The following ULK4 variants were observed in gnomAD, a reference collection of about 807,000 sequenced individuals.
ULK4 encodes the protein inactive serine/threonine-protein kinase ULK4.
In ULK4, 133 loss-of-function variants were observed where a neutral mutation model predicts 160.6. That is an observed-to-expected ratio of 0.83 (90% CI 0.72 to 0.96). ULK4 has a LOEUF of 0.96. ULK4 is among the 40% of genes least tolerant of loss of function. ULK4 has a pLI of 0.00. For missense variants in ULK4, 1,580 were observed against 1,499.5 expected, an observed-to-expected ratio of 1.05 and a Z score of -0.89; for synonymous variants, 534 against 539.8, an observed-to-expected ratio of 0.99 and a Z score of 0.15.
In ULK4 at chr3:41,571,810, C is replaced by A. The variant is rs180676193; in HGVS notation, c.3121-5680G>T. On this transcript the variant is annotated intron_variant, in intron 31 of 36. Coordinates refer to ENST00000301831, the MANE Select transcript of ULK4 (RefSeq NM_017886.4). ...TAAAATCTTGAAACATATATTTTTC[C>A]AATCCTCAGAGCTCATTGATAAAGC... 2.6e-3 allele frequency among the ~76,000 whole-genome samples: 394 copies of A among 152,188 alleles called. 1 individual carries two copies. The highest frequency in any genetic ancestry group is 8.6e-3 in the African/African-American group (357 of 41,550).
At chr3:41,869,578 CA>C (rs529179325) in intron 17 of ULK4, among the ~76,000 whole-genome samples, 81 of 151,540 alleles carry the variant, frequency 5.3e-4, no homozygotes, top group African/African-American at 1.7e-3. Flanking sequence ...AGACTCTGTC[CA>C]AAAAAACACT....
At position 41,655,732 on chromosome 3, in the gene ULK4, T is replaced by C. The variant is rs73069329; in HGVS notation, c.3071+7875A>G. 5.4e-3 allele frequency among the ~76,000 whole-genome samples: 821 copies of C among 152,256 alleles called. 4 individuals carry two copies. Among genetic ancestry groups the C allele is most frequent in the Non-Finnish European group, 8.4e-3 (574 of 68,016 alleles). ...CATAGCTACATAGTTATTTCACCTA[T>C]TGAGATTTCATCAAAGGAAATATTT... On this transcript the variant is annotated intron_variant, in intron 30 of 36. Coordinates refer to ENST00000301831, the MANE Select transcript of ULK4 (RefSeq NM_017886.4).
intron 17 of ULK4, among the ~76,000 whole-genome samples, chr3:41,875,191 A>G (rs1697256041): frequency 6.6e-6 from 1 of 151,784 alleles, no homozygotes; most frequent in African/African-American, 2.4e-5. Context: ...CAAAAATTAA[A>G]TAAGATAAAT....
intron 32 of ULK4, among the ~76,000 whole-genome samples, chr3:41,480,517 A>G (rs1178893538): frequency 6.6e-6 from 1 of 152,144 alleles, no homozygotes; most frequent in Non-Finnish European, 1.5e-5. Flanking sequence ...AGTCTACTCA[A>G]TGTGAAAATA....
chr3:41,305,237 G>C (rs949787795), intron 35 of ULK4, among the ~76,000 whole-genome samples: 2 of 151,762 alleles, frequency 1.3e-5, no homozygotes, highest in African/African-American at 4.8e-5. Flanking sequence ...CTCTCCCCAC[G>C]GTCTCCCTCT....
At position 41,615,693 on chromosome 3, in the gene ULK4, G is replaced by GAA. The variant is rs1456715125; in HGVS notation, c.3095_3096insTT (p.Pro1033SerfsTer7). 9 of 1,612,980 alleles carry GAA rather than the reference G, an allele frequency of 5.6e-6. No individual in the cohort carries two copies. The highest frequency in any genetic ancestry group is 5.9e-6 in the Non-Finnish European group (7 of 1,179,598). ...CCAGAGTTACTTCAAAAATGAGTGG[G>GAA]ATCAGTTTGCTTTCTTCCACAAGTC... On this transcript the variant is annotated frameshift_variant, in exon 31 of 37. Coordinates refer to ENST00000301831, the MANE Select transcript of ULK4 (RefSeq NM_017886.4). LOFTEE classifies it high-confidence loss of function.
chr3:41,644,801 C>T (rs1325613688), intron 30 of ULK4, among the ~76,000 whole-genome samples: 1 of 151,800 alleles, frequency 6.6e-6, no homozygotes, highest in East Asian at 1.9e-4. Context: ...TGGTAGAATT[C>T]GGCTGTGAAT....
chr3:41,631,600 A>AC (rs2033745125), intron 30 of ULK4, among the ~76,000 whole-genome samples: 1 of 152,164 alleles, frequency 6.6e-6, no homozygotes, highest in East Asian at 1.9e-4. Flanking sequence ...TGTAAACAGA[A>AC]TAGTTTTATG....
chr3:41,629,612 T>G (rs902814543), intron 30 of ULK4, among the ~76,000 whole-genome samples: 4 of 152,128 alleles, frequency 2.6e-5, no homozygotes, highest in African/African-American at 9.7e-5. Flanking sequence ...CAGAAGGGCA[T>G]GTGGAATGGG....
chr3:41,584,398 C>A (rs1210920145), intron 31 of ULK4, among the ~76,000 whole-genome samples: 1 of 151,940 alleles, frequency 6.6e-6, no homozygotes, highest in Non-Finnish European at 1.5e-5. Flanking sequence ...CTCAAGTGAC[C>A]CCCCTGCCTC....
chr3:41,470,018 G>GAAAAAAAAAAAAAAAAAAAAAAAAAAAAA (rs71094650), intron 32 of ULK4, among the ~76,000 whole-genome samples: 18 of 45,974 alleles, frequency 3.9e-4, no homozygotes, highest in East Asian at 1.8e-3. Flanking sequence ...AAACAGAACA[G>GAAAAAAAAAAAAAAAAAAAAAAAAAAAAA]AAAAAAAAAA....
intron 22 of ULK4, among the ~76,000 whole-genome samples, chr3:41,721,706 C>T (rs1195450051): frequency 6.6e-6 from 1 of 151,716 alleles, no homozygotes; most frequent in African/African-American, 2.4e-5. Context: ...TCCTACAGAG[C>T]CTTTTTAAAA....
At chr3:41,365,964 T>C (rs912827611) in intron 35 of ULK4, among the ~76,000 whole-genome samples, 7 of 152,220 alleles carry the variant, frequency 4.6e-5, no homozygotes, top group Non-Finnish European at 4.4e-5. Flanking sequence ...ACCATTTGGA[T>C]AGATTCACTA....
chr3:41,437,185 AC>A (rs1376147761), intron 34 of ULK4, among the ~76,000 whole-genome samples: 8 of 152,180 alleles, frequency 5.3e-5, no homozygotes, highest in Non-Finnish European at 1.0e-4. Flanking sequence ...GATAACAGCT[AC>A]TATGAGAAAC....
intron 30 of ULK4, among the ~76,000 whole-genome samples, chr3:41,633,599 G>C (rs1282293631): frequency 3.3e-5 from 5 of 152,060 alleles, no homozygotes; most frequent in Non-Finnish European, 7.4e-5. Flanking sequence ...TTTTTGCAAA[G>C]ATTATTCAGG....
intron 22 of ULK4, among the ~76,000 whole-genome samples, chr3:41,747,319 C>T (rs2038452351): frequency 6.6e-6 from 1 of 151,836 alleles, no homozygotes; most frequent in Non-Finnish European, 1.5e-5. Context: ...AGTGGAAGCT[C>T]CTTCACATTG....
intron 21 of ULK4, among the ~76,000 whole-genome samples, chr3:41,781,155 T>G (rs2039827180): frequency 6.6e-6 from 1 of 152,102 alleles, no homozygotes; most frequent in African/African-American, 2.4e-5. Context: ...TTTACCTATA[T>G]TTGCAAACAG....
intron 31 of ULK4, among the ~76,000 whole-genome samples, chr3:41,584,965 T>A (rs182905546): frequency 6.6e-6 from 1 of 152,136 alleles, no homozygotes; most frequent in Non-Finnish European, 1.5e-5. Context: ...AAAAGACTTG[T>A]ACACAAAAAA....
In ULK4 at chr3:41,585,943, C is replaced by A. The variant is rs1440431176; in HGVS notation, c.3121-19813G>T. The stretch of plus-strand genomic sequence containing the variant: ...CACTAATTATAAGAGAAATGCAAAT[C>A]AAAACCGCAATGATATATCAGCTCA... On this transcript the variant is annotated intron_variant, in intron 31 of 36. Coordinates refer to ENST00000301831, the MANE Select transcript of ULK4 (RefSeq NM_017886.4). 2.6e-5 allele frequency among the ~76,000 whole-genome samples: 4 copies of A among 152,142 alleles called. No homozygotes were observed. In the South Asian group the frequency reaches 6.2e-4, roughly 24 times the overall value.
Sources: gnomAD v4.1 joint callset for allele counts (sites outside exome capture counted in the v4.1 genomes callset) on GRCh38, gnomAD v4.1.1 for gene constraint, MANE v1.5 for transcripts, NCBI Gene and HGNC (gene_info 2026-07-23, HGNC 2026-07-21) for gene names.